The following OXNAD1 variants were observed in gnomAD, a reference collection of about 807,000 sequenced individuals.
OXNAD1 encodes the protein oxidoreductase NAD-binding domain-containing protein 1.
A neutral mutation model predicts 32.9 loss-of-function variants in OXNAD1; 34 were observed. That is an observed-to-expected ratio of 1.03 (90% CI 0.79 to 1.38). The LOEUF (loss-of-function observed/expected upper bound fraction) is 1.38. Ranked by LOEUF, OXNAD1 falls within the 40% of genes most tolerant of loss-of-function variation. The pLI, the probability that OXNAD1 is intolerant of heterozygous loss-of-function variation, is 0.00. For synonymous variants in OXNAD1, 134 were observed against 135.2 expected (o/e 0.99, Z 0.06); for missense variants, 407 against 379.4 (o/e 1.07, Z -0.60).
rs914354358 is a variant in OXNAD1, at chr3:16,280,253, A to G, written c.184-6089A>G. On this transcript the variant is annotated intron_variant, in intron 4 of 8. Coordinates refer to ENST00000285083, the MANE Select transcript of OXNAD1 (RefSeq NM_138381.5). The surrounding 1 kb of genome is among the most constrained non-coding windows in gnomAD (Gnocchi z 4.5). ...GAGGGTGTGATGCAGGAGAGAGGAT[A>G]GTTGCTGGAGGGAAGGCTTGAGAAG... Among the ~76,000 whole-genome samples the G allele has an allele frequency of 6.6e-6, 1 of 152,122 alleles. No individual in the cohort carries two copies. The highest frequency in any genetic ancestry group is 2.4e-5 in the African/African-American group (1 of 41,422).
At chr3:16,295,322 G>A (rs2066709845) in intron 6 of OXNAD1, among the ~76,000 whole-genome samples, 1 of 152,108 alleles carries the variant, frequency 6.6e-6, no homozygotes. Flanking sequence ...AGATTATTTT[G>A]TCCTAACCAT....
In OXNAD1 at chr3:16,329,970, A is replaced by T. The variant is rs2070144308; in HGVS notation, c.*31-7142A>T. Among the ~76,000 whole-genome samples the T allele has an allele frequency of 6.6e-6, 1 of 152,304 alleles. No individual in the cohort carries two copies. Among genetic ancestry groups the T allele is most frequent in the South Asian group, 2.1e-4 (1 of 4,818 alleles). On this transcript the variant is annotated intron_variant, in intron 9 of 9. Coordinates refer to the OXNAD1 transcript ENST00000435829. The surrounding 1 kb of genome is among the most constrained non-coding windows in gnomAD (Gnocchi z 4.5). Reference sequence around the variant, plus strand: ...CAGCCCGACCCGCCTGCTTAGACAGACTGCAAACCGGCTGCTTCTATTTTG... The same window carrying T: ...CAGCCCGACCCGCCTGCTTAGACAGTCTGCAAACCGGCTGCTTCTATTTTG...
rs201229589 is a variant in OXNAD1 at position 16,276,925 on chromosome 3, CTT to C, written c.183+5217_183+5218del. 9.8e-3 allele frequency among the ~76,000 whole-genome samples: 1,315 copies of C among 133,870 alleles called. 9 individuals carry two copies. Among genetic ancestry groups the C allele is most frequent in the African/African-American group, 0.032 (1,149 of 35,696 alleles). 87.8% of individuals were successfully genotyped at this position (133,870 alleles called of 152,430 possible). ...CTCTTCTGTTTCTTTTTCTTTCTTT[CTT>C]TTTTTTTTTTTTTGAGACAGAGTCT... On this transcript the variant is annotated intron_variant, in intron 4 of 8. Coordinates refer to ENST00000285083, the MANE Select transcript of OXNAD1 (RefSeq NM_138381.5).
rs2066228492 is a variant in OXNAD1, at chr3:16,288,612, G to T, written c.290+2164G>T. ...CTTACTGGGCCTTGCAGAGAGGGCT[G>T]GTTCCTGTAGCAATAAACCAGTTCC... On this transcript the variant is annotated intron_variant, in intron 5 of 8. Coordinates refer to ENST00000285083, the MANE Select transcript of OXNAD1 (RefSeq NM_138381.5). This position sits in a 1 kb window ranked among gnomAD's most constrained non-coding sequence, Gnocchi z 5.1. 6.6e-6 allele frequency among the ~76,000 whole-genome samples: 1 copy of T among 152,180 alleles called. No homozygotes were observed. The highest frequency in any genetic ancestry group is 1.5e-5 in the Non-Finnish European group (1 of 68,046).
At position 16,345,264 on chromosome 3, in the gene OXNAD1, T is replaced by TTGTG. The variant is rs10703577; in HGVS notation, c.*31-3878_*31-3875dup. ...AAACTGTAAGATAATAAGTAGGTGGTTGTGTGTGTGTGTGTGTGTGTGTGT... is the reference window on the plus strand; with the variant it reads ...AAACTGTAAGATAATAAGTAGGTGGTTGTGTGTGTGTGTGTGTGTGTGTGTGTGT... On this transcript the variant is annotated intron_variant, in intron 9 of 9. Transcript: ENST00000606098. This position sits in a 1 kb window ranked among gnomAD's most constrained non-coding sequence, Gnocchi z 5.2. 14,589 of 145,818 alleles carry TTGTG rather than the reference T, an allele frequency of 0.1. 816 individuals carry two copies. The highest frequency in any genetic ancestry group is 0.13 in the Non-Finnish European group (8,405 of 66,912). The allele number at this position is 145,818 out of a possible 1,614,324, so 9.0% of individuals were successfully genotyped here.
In OXNAD1 at chr3:16,345,238, G is replaced by A. The variant is rs1237326913; in HGVS notation, c.*31-3938G>A. 6.6e-6 allele frequency: 1 copy of A among 150,510 alleles called. No individual in the cohort carries two copies. Among genetic ancestry groups the A allele is most frequent in the Admixed American group, 6.6e-5 (1 of 15,076 alleles). 9.3% of individuals were successfully genotyped at this position (150,510 alleles called of 1,614,324 possible). On this transcript the variant is annotated intron_variant, in intron 9 of 9. Transcript: ENST00000606098. This position sits in a 1 kb window ranked among gnomAD's most constrained non-coding sequence, Gnocchi z 5.2. ...AGCCCACCTGGATTTCTGGCCCACA[G>A]AAACTGTAAGATAATAAGTAGGTGG... is the stretch of plus-strand genomic sequence containing the variant.
Position 16,322,221 on chromosome 3 carries a change from G to A in OXNAD1, c.*31-14891G>A, listed in dbSNP as rs542718134. ...CAGTTCCCTTCTGGTCCATTGTGCCGTCACCTGTCACATTACACCTTCAGA... is the reference window on the plus strand; with the variant it reads ...CAGTTCCCTTCTGGTCCATTGTGCCATCACCTGTCACATTACACCTTCAGA... On this transcript the variant is annotated intron_variant, in intron 9 of 9. Coordinates refer to the OXNAD1 transcript ENST00000435829. The surrounding 1 kb of genome is among the most constrained non-coding windows in gnomAD (Gnocchi z 6.2). Among the ~76,000 whole-genome samples, 5 of 152,244 alleles carry A rather than the reference G, an allele frequency of 3.3e-5. No individual in the cohort carries two copies. The highest frequency in any genetic ancestry group is 3.9e-4 in the East Asian group (2 of 5,174).
At chr3:16,352,077 A>G (rs548125537), downstream of OXNAD1, among the ~76,000 whole-genome samples, 1 of 152,370 alleles carries the variant, frequency 6.6e-6, no homozygotes, top group African/African-American at 2.4e-5. The surrounding 1 kb of genome is among the most constrained non-coding windows in gnomAD (Gnocchi z 4.6). Flanking sequence ...ACATTCAAAT[A>G]AAATGTGTAA....
chr3:16,313,555 A>C (rs2068121922), intron 9 of OXNAD1: 1 of 152,116 alleles, frequency 6.6e-6, no homozygotes, highest in Non-Finnish European at 1.5e-5. Flanking sequence ...CATGTGATTA[A>C]CTGCTACCCA....
rs1475540087 is a variant in OXNAD1 at position 16,348,897 on chromosome 3, T to A, written c.*31-279T>A. On this transcript the variant is annotated intron_variant, in intron 9 of 9. Transcript: ENST00000606098. This position sits in a 1 kb window ranked among gnomAD's most constrained non-coding sequence, Gnocchi z 6.3. ...GCCACTGCCACAATCCACACACATT[T>A]CAGAACACCCGAGCAAGTGGCTGCT... Among the ~76,000 whole-genome samples the A allele has an allele frequency of 6.6e-6, 1 of 152,174 alleles. No individual in the cohort carries two copies. The highest frequency in any genetic ancestry group is 2.4e-5 in the African/African-American group (1 of 41,438).
Position 16,301,701 on chromosome 3 carries a change from A to G in OXNAD1, c.508A>G (p.Arg170Gly). ...FFDPQPADAS[R>G]NLVLIAGGVG... Reference sequence around the variant, plus strand: ...TGACCCTCAGCCTGCGGATGCCTCTAGAAACCTCGTGTTGATTGCAGGAGG... The same window carrying G: ...TGACCCTCAGCCTGCGGATGCCTCTGGAAACCTCGTGTTGATTGCAGGAGG... The change falls in exon 7 of 9, where the codon AGA becomes GGA. Residue 170 changes from arginine (R) to glycine (G), a missense_variant. Physicochemically the swap from Arg to Gly is moderately radical, Grantham distance 125. Transcript: ENST00000285083. This position sits in a 1 kb window ranked among gnomAD's most constrained non-coding sequence, Gnocchi z 4.1. 1 of 1,614,070 alleles carries G rather than the reference A, an allele frequency of 6.2e-7. No individual in the cohort carries two copies. The highest frequency in any genetic ancestry group is 1.1e-5 in the South Asian group (1 of 91,088).
intron 9 of OXNAD1, among the ~76,000 whole-genome samples, chr3:16,328,587 G>T (rs1464510257): frequency 6.6e-6 from 1 of 152,218 alleles, no homozygotes; most frequent in Non-Finnish European, 1.5e-5. Flanking sequence ...GTATAAAATG[G>T]GTACTGGTCT....
chr3:16,296,150 A>G (rs765389308), intron 6 of OXNAD1, among the ~76,000 whole-genome samples: 21 of 152,240 alleles, frequency 1.4e-4, no homozygotes, highest in Non-Finnish European at 2.5e-4. Flanking sequence ...AGAATCACAC[A>G]GGCAAATCAT....
intron 9 of OXNAD1, among the ~76,000 whole-genome samples, chr3:16,318,902 A>G (rs1189105255): frequency 2.6e-5 from 4 of 152,202 alleles, no homozygotes; most frequent in Non-Finnish European, 5.9e-5. Context: ...ATCACTCTGT[A>G]GGCTAAGTGG....
chr3:16,269,148 C>A lies in OXNAD1; in HGVS notation c.-136C>A. On this transcript the variant is annotated 5_prime_UTR_variant, in exon 2 of 9. Transcript: ENST00000285083. ...CAGGAACTTTGTGAGAATTTTAATG[C>A]ATGGAAAAGCTGTCCATGTTCCAAC... 1 of 1,489,294 alleles carries A rather than the reference C, an allele frequency of 6.7e-7. No individual in the cohort carries two copies. The highest frequency in any genetic ancestry group is 1.3e-5 in the South Asian group (1 of 76,906). 92.3% of individuals were successfully genotyped at this position (1,489,294 alleles called of 1,614,324 possible). A position where few individuals can be genotyped will look rare whatever the true frequency, so the allele number is the denominator to read the frequency against.
At position 16,345,788 on chromosome 3, in the gene OXNAD1, C is replaced by CTG. The variant is rs370820242; in HGVS notation, c.*31-3359_*31-3358dup. Among the ~76,000 whole-genome samples the CTG allele has an allele frequency of 0.067, 8,566 of 127,162 alleles. 310 individuals are homozygous for CTG. The highest frequency in any genetic ancestry group is 0.11 in the East Asian group (478 of 4,526). The allele number at this position is 127,162 out of a possible 152,430, so 83.4% of individuals were successfully genotyped here. A position where few individuals can be genotyped will look rare whatever the true frequency, so the allele number is the denominator to read the frequency against. ...TGAGCCAAAACCTTATAATAAATCT[C>CTG]TGTGTGTGTGTGTGTGTGTGTGTGT... On this transcript the variant is annotated intron_variant, in intron 9 of 9. Transcript: ENST00000606098. This position sits in a 1 kb window ranked among gnomAD's most constrained non-coding sequence, Gnocchi z 5.2.
chr3:16,283,675 T>C (rs842268), intron 4 of OXNAD1, among the ~76,000 whole-genome samples: 62,124 of 151,906 alleles, frequency 0.41, 12,892 homozygotes, highest in South Asian at 0.53. Context: ...AGTAGTAGTC[T>C]GTGAGTCCTT....
intron 5 of OXNAD1, among the ~76,000 whole-genome samples, chr3:16,293,249 A>C (rs986742790): frequency 1.3e-5 from 2 of 152,094 alleles, no homozygotes; most frequent in Non-Finnish European, 2.9e-5. Context: ...ATTTTGTTAA[A>C]TTTATTCCCA....
downstream of OXNAD1, among the ~76,000 whole-genome samples, chr3:16,307,622 A>G (rs2067654461): frequency 6.6e-6 from 1 of 152,206 alleles, no homozygotes; most frequent in Non-Finnish European, 1.5e-5. Flanking sequence ...AATATAGATA[A>G]TAGTTTTAAA....
Sources: gnomAD v4.1 joint callset for allele counts (sites outside exome capture counted in the v4.1 genomes callset) on GRCh38, gnomAD v4.1.1 for gene constraint, Gnocchi (gnomAD v3.1) non-coding constraint, MANE v1.5 for transcripts, NCBI Gene and HGNC (gene_info 2026-07-23, HGNC 2026-07-21) for gene names.